NPFFR2: variants seen among roughly 807,000 people sequenced by gnomAD.
NPFFR2 encodes neuropeptide FF receptor 2.
In NPFFR2, 15 loss-of-function variants were observed where a neutral mutation model predicts 13.1. That is an observed-to-expected ratio of 1.15 (90% CI 0.77 to 1.76). The LOEUF is 1.76. NPFFR2 is among the 40% of genes most tolerant of loss of function. NPFFR2 has a pLI of 0.00. For synonymous variants in NPFFR2, 190 were observed against 175.7 expected (o/e 1.08, Z -0.65); for missense variants, 572 against 503.5 (o/e 1.14, Z -1.30).
At chr4:72,119,604 G>A (rs973458088) in intron 1 of NPFFR2, among the ~76,000 whole-genome samples, 2 of 152,158 alleles carry the variant, frequency 1.3e-5, no homozygotes, top group Admixed American at 6.5e-5. Context: ...GGACTGGTTA[G>A]ACAGTGGGTG....
chr4:72,067,501 G>A (rs143161715), intron 1 of NPFFR2, among the ~76,000 whole-genome samples: 113 of 152,198 alleles, frequency 7.4e-4, no homozygotes, highest in African/African-American at 2.4e-3. Context: ...TTATCAAATG[G>A]TCTCTTGGGT....
intron 3 of NPFFR2, among the ~76,000 whole-genome samples, chr4:72,145,612 G>A (rs952204426): frequency 2.0e-5 from 3 of 152,210 alleles, no homozygotes; most frequent in East Asian, 3.9e-4. Flanking sequence ...CTGGAAGAAC[G>A]CTTGAAGTTG....
intron 1 of NPFFR2, chr4:72,069,153 T>C: frequency 2.5e-6 from 1 of 399,070 alleles, no homozygotes; most frequent in Non-Finnish European, 4.6e-6. Context: ...TGACTAAATC[T>C]CACTTTTAAC....
At chr4:72,134,496 A>T (rs538952261) in intron 2 of NPFFR2, among the ~76,000 whole-genome samples, 3,880 of 143,028 alleles carry the variant, frequency 0.027, 172 homozygotes, top group African/African-American at 0.11. Flanking sequence ...TTCTCCTGGT[A>T]TAATTATATC....
chr4:72,139,866 G>T (rs912126966), intron 3 of NPFFR2, among the ~76,000 whole-genome samples: 1 of 152,104 alleles, frequency 6.6e-6, no homozygotes, highest in Non-Finnish European at 1.5e-5. Flanking sequence ...TCATTTTCAC[G>T]ATATTGATTC....
intron 1 of NPFFR2, among the ~76,000 whole-genome samples, chr4:72,094,346 C>T (rs1015324287): frequency 6.6e-6 from 1 of 152,182 alleles, no homozygotes; most frequent in Non-Finnish European, 1.5e-5. Context: ...AAGAGCACAT[C>T]AGCTGCAGTA....
chr4:72,082,121 A>G (rs72856162), intron 1 of NPFFR2, among the ~76,000 whole-genome samples: 4,816 of 152,296 alleles, frequency 0.032, 248 homozygotes, highest in African/African-American at 0.11. Context: ...CTATGGCAGC[A>G]AAGTACATAA....
intron 1 of NPFFR2, among the ~76,000 whole-genome samples, chr4:72,044,582 G>A (rs1719324983): frequency 6.6e-6 from 1 of 151,994 alleles, no homozygotes; most frequent in Non-Finnish European, 1.5e-5. Flanking sequence ...TTTAATAGTA[G>A]CCATTCAAAC....
intron 1 of NPFFR2, among the ~76,000 whole-genome samples, chr4:72,073,012 G>A (rs544878752): frequency 2.6e-5 from 4 of 151,982 alleles, no homozygotes; most frequent in Admixed American, 2.0e-4. Flanking sequence ...CAACCAAAAG[G>A]TAGAGATCAG....
At chr4:72,128,073 C>T (rs1390740128) in intron 1 of NPFFR2, among the ~76,000 whole-genome samples, 1 of 152,076 alleles carries the variant, frequency 6.6e-6, no homozygotes, top group Non-Finnish European at 1.5e-5. Flanking sequence ...AGTGAAACCC[C>T]TGCAAAACAA....
intron 1 of NPFFR2, among the ~76,000 whole-genome samples, chr4:72,112,757 T>C (rs1300050557): frequency 6.6e-6 from 1 of 151,934 alleles, no homozygotes; most frequent in Non-Finnish European, 1.5e-5. Context: ...GAGTCATGTG[T>C]CTCATGTGTC....
At chr4:72,078,183 T>C (rs1383981986) in intron 1 of NPFFR2, among the ~76,000 whole-genome samples, 1 of 152,142 alleles carries the variant, frequency 6.6e-6, no homozygotes. Flanking sequence ...ACCCTATTGT[T>C]CCAGCAGTAT....
At chr4:72,033,086 T>C (rs1018334280) in intron 1 of NPFFR2, among the ~76,000 whole-genome samples, 1 of 152,294 alleles carries the variant, frequency 6.6e-6, no homozygotes, top group East Asian at 1.9e-4. Context: ...AACTTTCAAG[T>C]GGGAACTACT....
chr4:72,068,565 T>C (rs1012789853), intron 1 of NPFFR2, among the ~76,000 whole-genome samples: 2 of 152,218 alleles, frequency 1.3e-5, no homozygotes, highest in Non-Finnish European at 2.9e-5. Flanking sequence ...GGGCCCTCTC[T>C]GTTTAGTTTA....
intron 1 of NPFFR2, among the ~76,000 whole-genome samples, chr4:72,038,101 C>T (rs1030380257): frequency 6.6e-6 from 1 of 152,160 alleles, no homozygotes; most frequent in African/African-American, 2.4e-5. Context: ...ATGCCAAGCT[C>T]ATTCTCAATT....
chr4:72,037,659 G>A (rs529955457), intron 1 of NPFFR2, among the ~76,000 whole-genome samples: 1 of 152,192 alleles, frequency 6.6e-6, no homozygotes, highest in East Asian at 1.9e-4. Context: ...ATCCTCCACA[G>A]GTGTGCAAAC....
chr4:72,111,963 C>G (rs1721579051), intron 1 of NPFFR2, among the ~76,000 whole-genome samples: 1 of 152,032 alleles, frequency 6.6e-6, no homozygotes, highest in South Asian at 2.1e-4. Flanking sequence ...AAACCTCTAT[C>G]TAGTCATTTT....
chr4:72,139,561 TG>T (rs1722529707), intron 3 of NPFFR2, among the ~76,000 whole-genome samples: 3 of 152,154 alleles, frequency 2.0e-5, no homozygotes, highest in Admixed American at 2.0e-4. Flanking sequence ...AAAAATCAGA[TG>T]GATGTAGATG....
intron 3 of NPFFR2, among the ~76,000 whole-genome samples, chr4:72,142,774 G>A (rs561800761): frequency 6.6e-6 from 1 of 152,290 alleles, no homozygotes; most frequent in Admixed American, 6.5e-5. Flanking sequence ...TTTTAAGATT[G>A]AAAATCATTC....
Sources: gnomAD v4.1 joint callset for allele counts (sites outside exome capture counted in the v4.1 genomes callset) on GRCh38, gnomAD v4.1.1 for gene constraint, MANE v1.5 for transcripts, NCBI Gene and HGNC (gene_info 2026-07-23, HGNC 2026-07-21) for gene names.